Variants in EXOC4 observed in about 807,000 individuals in gnomAD.
EXOC4 encodes exocyst complex component 4, also known as SEC8-like 1.
In EXOC4, 71 loss-of-function variants were observed where a neutral mutation model predicts 107.2. That is an observed-to-expected ratio of 0.66 (90% CI 0.55 to 0.81). EXOC4 has a LOEUF of 0.81. Ranked by LOEUF, EXOC4 falls within the 30% of genes least tolerant of loss-of-function variation. EXOC4 has a pLI of 0.00. For synonymous variants in EXOC4, 456 were observed against 441.2 expected (o/e 1.03, Z -0.42); for missense variants, 1,108 against 1,189.6 (o/e 0.93, Z 1.01).
chr7:133,280,670 G>C (rs1794115986), intron 2 of EXOC4, among the ~76,000 whole-genome samples: 1 of 152,146 alleles, frequency 6.6e-6, no homozygotes, highest in South Asian at 2.1e-4. Flanking sequence ...GATTATTCAA[G>C]TGAAGTTGTT....
At chr7:133,736,144 A>C (rs975297303) in intron 10 of EXOC4, among the ~76,000 whole-genome samples, 6 of 152,210 alleles carry the variant, frequency 3.9e-5, no homozygotes, top group African/African-American at 1.2e-4. Flanking sequence ...CTTTCTACTT[A>C]CAAGCATGCT....
At chr7:133,753,674 G>A (rs1312661398) in intron 10 of EXOC4, among the ~76,000 whole-genome samples, 1 of 152,202 alleles carries the variant, frequency 6.6e-6, no homozygotes, top group Non-Finnish European at 1.5e-5. Context: ...GAGTCAACCT[G>A]CAGAAAGCAT....
rs140785080 is a variant in EXOC4, at chr7:133,850,564, G to A, written c.1734+33020G>A. On this transcript the variant is annotated intron_variant, in intron 11 of 17. Transcript: ENST00000253861. Reference sequence around the variant, plus strand: ...ATTCCATTTCTCTTTGGGAAATGCCGTATTTATGTATGAACAGTCTTATAG... The same window carrying A: ...ATTCCATTTCTCTTTGGGAAATGCCATATTTATGTATGAACAGTCTTATAG... Among the ~76,000 whole-genome samples, 357 of 151,738 alleles carry A rather than the reference G, an allele frequency of 2.4e-3. 6 individuals are homozygous for A. The South Asian group carries it at 0.04, about 17-fold the overall frequency.
intron 17 of EXOC4, among the ~76,000 whole-genome samples, chr7:134,043,840 G>T (rs1218098045): frequency 6.6e-6 from 1 of 152,200 alleles, no homozygotes; most frequent in Non-Finnish European, 1.5e-5. Context: ...CAGTCTCTGT[G>T]TAGAGAAGGA....
chr7:133,473,429 T>G (rs1705873550), intron 7 of EXOC4, among the ~76,000 whole-genome samples: 1 of 152,224 alleles, frequency 6.6e-6, no homozygotes, highest in Admixed American at 6.5e-5. Context: ...TACTGCCACC[T>G]ATAGACCTGT....
chr7:134,069,476 T>G (rs1796242907), downstream of EXOC4, among the ~76,000 whole-genome samples: 1 of 150,488 alleles, frequency 6.6e-6, no homozygotes, highest in East Asian at 2.0e-4. Context: ...TCCTCCATCC[T>G]CTTCTCCTCC....
intron 9 of EXOC4, among the ~76,000 whole-genome samples, chr7:133,576,176 T>C (rs193166718): frequency 2.6e-5 from 4 of 152,298 alleles, no homozygotes; most frequent in Admixed American, 2.6e-4. Flanking sequence ...ACCCCCGTTA[T>C]GTATTTTTTG....
chr7:133,968,860 G>C (rs1801133894), intron 14 of EXOC4, among the ~76,000 whole-genome samples: 1 of 152,142 alleles, frequency 6.6e-6, no homozygotes, highest in Non-Finnish European at 1.5e-5. Context: ...GGTGTTCTCT[G>C]TATTTCCTGA....
Position 133,254,899 on chromosome 7 carries a change from T to C in EXOC4, c.86+1712T>C, listed in dbSNP as rs373522856. ...CTATTTGTATTTTCCTCAGGGCCAG[T>C]TGAATTTACTCTAAATGTCATATTT... On this transcript the variant is annotated intron_variant, in intron 1 of 17. Transcript: ENST00000253861. 5.9e-5 allele frequency among the ~76,000 whole-genome samples: 9 copies of C among 152,218 alleles called. No homozygotes were observed. In the South Asian group the frequency reaches 1.7e-3, roughly 28 times the overall value.
intron 17 of EXOC4, among the ~76,000 whole-genome samples, chr7:134,030,673 C>T (rs549301594): frequency 2.0e-5 from 3 of 148,684 alleles, no homozygotes; most frequent in African/African-American, 7.5e-5. Flanking sequence ...CCGCACCCCC[C>T]CTCTGCCCCC....
chr7:133,289,179 C>A, intron 3 of EXOC4, 63 bp downstream of exon 3: 4 of 1,423,164 alleles, frequency 2.8e-6, no homozygotes, highest in Non-Finnish European at 3.9e-6. Context: ...CTCTTTTATT[C>A]TCTCTGAATC....
intron 10 of EXOC4, among the ~76,000 whole-genome samples, chr7:133,786,594 T>C (rs1482503899): frequency 1.3e-5 from 2 of 152,238 alleles, no homozygotes; most frequent in African/African-American, 4.8e-5. Flanking sequence ...GCATGTTCAG[T>C]ACCTGAGAAG....
the EXOC4 span, among the ~76,000 whole-genome samples, chr7:134,081,563 G>C: frequency 6.6e-6 from 1 of 152,124 alleles, no homozygotes; most frequent in Non-Finnish European, 1.5e-5. Context: ...CCGATACTTA[G>C]AACAATCCCT....
At chr7:133,883,333 T>A (rs1268269818) in intron 11 of EXOC4, among the ~76,000 whole-genome samples, 1 of 151,806 alleles carries the variant, frequency 6.6e-6, no homozygotes, top group African/African-American at 2.4e-5. Context: ...TTTTTTTTTT[T>A]TTTGGCTCTT....
At chr7:133,705,763 A>C (rs1310250529) in intron 10 of EXOC4, among the ~76,000 whole-genome samples, 1 of 152,234 alleles carries the variant, frequency 6.6e-6, no homozygotes, top group Admixed American at 6.5e-5. Context: ...GCACGGATAC[A>C]CTAGACAAAG....
At chr7:133,274,434 G>T (rs560247000) in intron 1 of EXOC4, among the ~76,000 whole-genome samples, 18 of 152,322 alleles carry the variant, frequency 1.2e-4, no homozygotes, top group African/African-American at 4.3e-4. Context: ...TAAGGCAGCT[G>T]CAGGGCTGGC....
intron 10 of EXOC4, among the ~76,000 whole-genome samples, chr7:133,641,215 T>A (rs748305537): frequency 1.3e-5 from 2 of 152,150 alleles, no homozygotes; most frequent in Non-Finnish European, 2.9e-5. Context: ...TTATTGATTG[T>A]AAATCACATC....
intron 12 of EXOC4, among the ~76,000 whole-genome samples, chr7:133,896,640 T>TTTTATTTTA (rs992759613): frequency 1.3e-5 from 2 of 148,340 alleles, no homozygotes; most frequent in African/African-American, 5.0e-5. Flanking sequence ...TTGCCCCCTA[T>TTTTATTTTA]TTTATTTTAT....
the EXOC4 span, among the ~76,000 whole-genome samples, chr7:134,078,597 A>G: frequency 2.6e-5 from 4 of 152,074 alleles, no homozygotes; most frequent in Non-Finnish European, 5.9e-5. Flanking sequence ...ATATTTTTCT[A>G]CCCTCCTCCC....
Sources: gnomAD v4.1 joint callset for allele counts (sites outside exome capture counted in the v4.1 genomes callset) on GRCh38, gnomAD v4.1.1 for gene constraint, MANE v1.5 for transcripts, NCBI Gene and HGNC (gene_info 2026-07-23, HGNC 2026-07-21) for gene names.